Variants in NAGA observed in about 807,000 individuals in gnomAD.
The protein encoded by NAGA is Acetylgalactosaminidase, alpha-N- (alpha-galactosidase B).
In NAGA, 42 loss-of-function variants were observed where a neutral mutation model predicts 45.6. The ratio of observed to expected loss-of-function variants is 0.92; its 90% CI spans 0.72 to 1.19. NAGA has a LOEUF of 1.19. Ranked by LOEUF, NAGA falls within the 50% of genes most tolerant of loss-of-function variation. NAGA has a pLI of 0.00. For synonymous variants in NAGA, 176 were observed against 203.1 expected (o/e 0.87, Z 1.13); for missense variants, 493 against 544.8 (o/e 0.90, Z 0.95).
At chr22:42,064,621 G>A (rs962320116) in intron 6 of NAGA, among the ~76,000 whole-genome samples, 1 of 152,084 alleles carries the variant, frequency 6.6e-6, no homozygotes, top group African/African-American at 2.4e-5. Flanking sequence ...CTCCAGCCTG[G>A]GCGACAGAGC....
In NAGA at chr22:42,061,477, G is replaced by T. The variant is rs565453638; in HGVS notation, c.958-410C>A. ...GTGGGAACAGTGAACTCTGTTCCAG[G>T]AGGGTGGAGAGTGGAGCTGGATGTG... On this transcript the variant is annotated intron_variant, in intron 7 of 8. Coordinates refer to ENST00000396398, the MANE Select transcript of NAGA (RefSeq NM_000262.3). Among the ~76,000 whole-genome samples the T allele has an allele frequency of 1.1e-4, 16 of 152,356 alleles. No homozygotes were observed. In the South Asian group the frequency reaches 3.3e-3, roughly 32 times the overall value.
At chr22:42,060,837 G>A (rs1926331846) in intron 8 of NAGA, 87 bp downstream of exon 8, 6 of 1,578,670 alleles carry the variant, frequency 3.8e-6, no homozygotes, top group Admixed American at 1.7e-5. Flanking sequence ...GCTCAGGGGA[G>A]GCCATATGTG....
In NAGA at chr22:42,068,564, C is replaced by T; in HGVS notation, c.27G>A (p.Leu9=). ...GCATCAGCACCTGGGCCACATGTCCCAGCAAGAGCACTAGGGGGCAAGGGA... is the reference window on the plus strand; with the variant it reads ...GCATCAGCACCTGGGCCACATGTCCTAGCAAGAGCACTAGGGGGCAAGGGA... The part of the protein sequence containing the change: MLLKTVLL[L]GHVAQVLMLD... Residue 9 remains leucine, a synonymous_variant, in exon 2 of 9, where the codon CTG becomes CTA. Coordinates refer to ENST00000396398, the MANE Select transcript of NAGA (RefSeq NM_000262.3). 6.2e-7 allele frequency: 1 copy of T among 1,614,100 alleles called. No homozygotes were observed. The highest frequency in any genetic ancestry group is 2.2e-5 in the East Asian group (1 of 44,874).
intron 3 of NAGA, 32 bp from the exon 4 acceptor site, chr22:42,067,322 G>GC (rs769766084): frequency 2.2e-5 from 35 of 1,612,822 alleles, no homozygotes; most frequent in Non-Finnish European, 2.9e-5. Flanking sequence ...GTGGGCTCAA[G>GC]CAGGACCCTC....
chr22:42,070,442 G>T lies in NAGA; in HGVS notation c.-145C>A, dbSNP rs1379057475. 4 of 918,378 alleles carry T rather than the reference G, an allele frequency of 4.4e-6. No individual in the cohort carries two copies. Among genetic ancestry groups the T allele is most frequent in the African/African-American group, 3.2e-5 (2 of 61,546 alleles). 56.9% of individuals were successfully genotyped at this position (918,378 alleles called of 1,614,324 possible). On this transcript the variant is annotated 5_prime_UTR_variant, in exon 1 of 9. Coordinates refer to ENST00000396398, the MANE Select transcript of NAGA (RefSeq NM_000262.3). ...AGCTCGGCCGCCCTCAACCTTAGGC[G>T]TGGATCGTACACTCGGTCCCCAAGT...
In NAGA at chr22:42,067,104, G is replaced by A. The variant is rs768462917; in HGVS notation, c.502+9C>T. The A allele has an allele frequency of 1.4e-5, 23 of 1,613,476 alleles. No homozygotes were observed. In the Admixed American group the frequency reaches 1.5e-4, roughly 11 times the overall value. ...TTGCCTACGTGCCCCAGCCAGCTGC[G>A]TAACTCACCCTGGGCCCGCTCCTCG... On this transcript the variant is annotated intron_variant, in intron 4 of 8. Coordinates refer to ENST00000396398, the MANE Select transcript of NAGA (RefSeq NM_000262.3).
At chr22:42,069,976 T>G (rs1183571818) in intron 1 of NAGA, among the ~76,000 whole-genome samples, 1 of 152,152 alleles carries the variant, frequency 6.6e-6, no homozygotes, top group Non-Finnish European at 1.5e-5. Flanking sequence ...CCTTTCCCCC[T>G]CGGGCCTCAG....
At chr22:42,062,449 G>C (rs948644587) in intron 7 of NAGA, among the ~76,000 whole-genome samples, 6 of 152,204 alleles carry the variant, frequency 3.9e-5, no homozygotes, top group African/African-American at 1.4e-4. Flanking sequence ...CTGGGTGACA[G>C]AGTGAGACCC....
chr22:42,060,885 G>A, intron 8 of NAGA, 39 bp downstream of exon 8: 1 of 1,613,818 alleles, frequency 6.2e-7, no homozygotes, highest in Non-Finnish European at 8.5e-7. Context: ...ACAGAAATCT[G>A]AAGCCCAGGC....
chr22:42,060,541 A>G (rs1416979379), intron 8 of NAGA, 128 bp from the exon 9 acceptor site: 1 of 1,331,850 alleles, frequency 7.5e-7, no homozygotes, highest in African/African-American at 1.5e-5. Context: ...AGTATGCCCT[A>G]CAGAAGTGGG....
chr22:42,061,200 C>T (rs962102364), intron 7 of NAGA, 133 bp from the exon 8 acceptor site: 45 of 1,158,290 alleles, frequency 3.9e-5, no homozygotes, highest in Admixed American at 1.2e-4. Flanking sequence ...GAGGATGCCA[C>T]GGGCCTCCAG....
intron 8 of NAGA, among the ~76,000 whole-genome samples, chr22:42,060,639 T>C (rs965035421): frequency 3.3e-5 from 5 of 152,106 alleles, no homozygotes; most frequent in Non-Finnish European, 5.9e-5. Flanking sequence ...CATGGAAAAC[T>C]GTGAGGAACG....
At chr22:42,066,834 G>T in intron 4 of NAGA, 30 bp from the exon 5 acceptor site, 1 of 1,584,494 alleles carries the variant, frequency 6.3e-7, no homozygotes, top group Non-Finnish European at 8.6e-7. Context: ...TTTCAGTCCT[G>T]AGGAAGTGCA....
Position 42,067,252 on chromosome 22 carries a change from G to A in NAGA, c.363C>T (p.Asp121=), listed in dbSNP as rs1299981722. ...AACCCATGCAGGTGAAGTTGCCCAT[G>A]TCCGCGTAGATACCCAACTTCAGGC... ...SLGLKLGIYA[D]MGNFTCMGYP... The change falls in exon 4 of 9, where the codon GAC becomes GAT. Residue 121 remains aspartate, a synonymous_variant. Coordinates refer to ENST00000396398, the MANE Select transcript of NAGA (RefSeq NM_000262.3). 1 of 1,614,176 alleles carries A rather than the reference G, an allele frequency of 6.2e-7. No individual in the cohort carries two copies. Among genetic ancestry groups the A allele is most frequent in the South Asian group, 1.1e-5 (1 of 91,082 alleles).
In NAGA at chr22:42,070,306, A is replaced by G; in HGVS notation, c.-9T>C. ...CCTGTCTTCAGCAGCATCGCTCTGG[A>G]CTCAGCTTCCGAGGACCTGACCAGA... is the stretch of plus-strand genomic sequence containing the variant. On this transcript the variant is annotated 5_prime_UTR_variant, in exon 1 of 9. Coordinates refer to ENST00000396398, the MANE Select transcript of NAGA (RefSeq NM_000262.3). The G allele has an allele frequency of 1.2e-6, 2 of 1,614,096 alleles. No homozygotes were observed. The highest frequency in any genetic ancestry group is 1.7e-6 in the Non-Finnish European group (2 of 1,180,004).
At chr22:42,066,933 G>A (rs1436905817) in intron 4 of NAGA, 129 bp from the exon 5 acceptor site, 2 of 1,369,424 alleles carry the variant, frequency 1.5e-6, no homozygotes, top group East Asian at 4.7e-5. Context: ...CACATACCCA[G>A]AGCCTCAAAT....
In NAGA at chr22:42,067,950, G is replaced by A. The variant is rs1390276660; in HGVS notation, c.153-14C>T. 1 of 1,612,918 alleles carries A rather than the reference G, an allele frequency of 6.2e-7. No homozygotes were observed. The highest frequency in any genetic ancestry group is 1.7e-5 in the Admixed American group (1 of 60,018). On this transcript the variant is annotated splice_polypyrimidine_tract_variant and intron_variant, in intron 2 of 8. Transcript: ENST00000396398. ...AAGAGCTGTTCACTAGTGAGGGGCA[G>A]AGGGATGGGGTAGCTCAGGGACCCA...
intron 8 of NAGA, among the ~76,000 whole-genome samples, chr22:42,060,686 G>A (rs9620016): frequency 3.9e-5 from 6 of 152,132 alleles, no homozygotes; most frequent in African/African-American, 7.2e-5. Context: ...GAGTACAGCC[G>A]TAGAGGCTAA....
chr22:42,068,157 G>C (rs1185999670), intron 2 of NAGA, among the ~76,000 whole-genome samples: 2 of 152,214 alleles, frequency 1.3e-5, no homozygotes, highest in Non-Finnish European at 2.9e-5. Flanking sequence ...GACTGGGTCA[G>C]GGGAAGTACA....
Sources: allele counts gnomAD v4.1 joint callset (sites outside exome capture counted in the v4.1 genomes callset), GRCh38; gene constraint gnomAD v4.1.1; transcripts MANE v1.5; gene names NCBI Gene and HGNC (gene_info 2026-07-23, HGNC 2026-07-21).